The following GLI2 variants were observed in gnomAD, a reference collection of about 807,000 sequenced individuals.
The protein encoded by GLI2 is GLI family zinc finger 2, also known as transcription activator GLI2.
A neutral mutation model predicts 78.9 loss-of-function variants in GLI2; 22 were observed. The ratio of observed to expected loss-of-function variants is 0.28; its 90% CI spans 0.20 to 0.40. GLI2 has a LOEUF of 0.40. Ranked by LOEUF, GLI2 falls within the 10% of genes least tolerant of loss-of-function variation. The probability of loss-of-function intolerance (pLI) is 1.00; values close to 1 mark genes in which losing one functional copy is unlikely to be tolerated. For synonymous variants in GLI2, 974 were observed against 963.7 expected (o/e 1.01, Z -0.20); for missense variants, 2,097 against 2,213.2 (o/e 0.95, Z 1.05).
intron 3 of GLI2, among the ~76,000 whole-genome samples, chr2:120,938,228 A>G (rs1420857382): frequency 6.6e-6 from 1 of 152,138 alleles, no homozygotes; most frequent in Admixed American, 6.5e-5. Flanking sequence ...GCACAGAAGG[A>G]GTAAACCCAA....
At position 120,840,705 on chromosome 2, in the gene GLI2, G is replaced by A. The variant is rs959050095; in HGVS notation, c.148+43237G>A. On this transcript the variant is annotated intron_variant, in intron 2 of 13. Coordinates refer to ENST00000361492, the MANE Select transcript of GLI2 (RefSeq NM_001374353.1). ...CCTCTGCCCGTTTCCCAGCAGAGGC[G>A]TGAGAAGCCAAGCATCTTGGTGTGT... Among the ~76,000 whole-genome samples, 7 of 152,226 alleles carry A rather than the reference G, an allele frequency of 4.6e-5. No individual in the cohort carries two copies. The East Asian group carries it at 5.8e-4, about 13-fold the overall frequency.
chr2:120,919,673 A>G (rs1349579581), intron 2 of GLI2, among the ~76,000 whole-genome samples: 1 of 152,254 alleles, frequency 6.6e-6, no homozygotes, highest in African/African-American at 2.4e-5. Context: ...CATGGGAGCC[A>G]ATCCCTGGAA....
chr2:120,913,899 C>T (rs997609266), intron 2 of GLI2, among the ~76,000 whole-genome samples: 4 of 152,192 alleles, frequency 2.6e-5, no homozygotes, highest in Non-Finnish European at 5.9e-5. Flanking sequence ...ATGTGGTGGC[C>T]TTACTGTCGT....
At chr2:120,857,374 T>C (rs374523295) in intron 2 of GLI2, among the ~76,000 whole-genome samples, 10 of 34,448 alleles carry the variant, frequency 2.9e-4, no homozygotes, top group African/African-American at 1.5e-3. Context: ...CCCACTCACC[T>C]ACCTACCCAT....
chr2:120,847,749 G>C (rs1322690698), intron 2 of GLI2, among the ~76,000 whole-genome samples: 1 of 150,032 alleles, frequency 6.7e-6, no homozygotes. Flanking sequence ...TTGGCTGCGT[G>C]GGGGGCAGGG....
intron 1 of GLI2, among the ~76,000 whole-genome samples, chr2:120,768,339 C>T (rs1283422278): frequency 6.6e-6 from 1 of 152,194 alleles, no homozygotes; most frequent in Non-Finnish European, 1.5e-5. Flanking sequence ...GGGTTCCTGG[C>T]GAGGCCACTG....
chr2:120,952,412 G>A (rs1340345257), intron 4 of GLI2, among the ~76,000 whole-genome samples: 1 of 152,210 alleles, frequency 6.6e-6, no homozygotes, highest in African/African-American at 2.4e-5. Context: ...CGAGAGGAAT[G>A]CATCCTCTTC....
At chr2:120,876,226 C>T (rs1688733074) in intron 2 of GLI2, among the ~76,000 whole-genome samples, 1 of 152,152 alleles carries the variant, frequency 6.6e-6, no homozygotes, top group Admixed American at 6.5e-5. Flanking sequence ...CCTGTAGTCC[C>T]AGCTACTCGG....
intron 2 of GLI2, among the ~76,000 whole-genome samples, chr2:120,825,541 G>GGAGTGTGCTCCTGGCTGT (rs1356281597): frequency 6.6e-6 from 1 of 151,340 alleles, no homozygotes; most frequent in African/African-American, 2.4e-5. Context: ...CTAGCTGTAA[G>GGAGTGTGCTCCTGGCTGT]GAGTGTGCTC....
rs1573705283 is a variant in GLI2, at chr2:120,971,929, A to G, written c.1060-12A>G. ...CCCTGAGTAACAGACTGTCCTCTGC[A>G]CCCTTCCTCAGAACAAGCAGAGCAG... On this transcript the variant is annotated splice_polypyrimidine_tract_variant and intron_variant, in intron 7 of 13. Coordinates refer to ENST00000361492, the MANE Select transcript of GLI2 (RefSeq NM_001374353.1). 1.2e-6 allele frequency: 2 copies of G among 1,613,258 alleles called. No homozygotes were observed. Among genetic ancestry groups the G allele is most frequent in the South Asian group, 2.2e-5 (2 of 91,086 alleles).
chr2:120,747,843 C>A (rs1387388994), intron 1 of GLI2, among the ~76,000 whole-genome samples: 1 of 152,218 alleles, frequency 6.6e-6, no homozygotes, highest in Non-Finnish European at 1.5e-5. Context: ...ACCTAGTTCT[C>A]ACACCAGGCT....
intron 3 of GLI2, among the ~76,000 whole-genome samples, chr2:120,943,257 C>T (rs1414540192): frequency 1.3e-5 from 2 of 152,114 alleles, no homozygotes; most frequent in East Asian, 3.9e-4. Flanking sequence ...GCTGGCACCT[C>T]TGGGAGGAGA....
chr2:120,755,640 C>A (rs2104638332), intron 1 of GLI2, among the ~76,000 whole-genome samples: 1 of 152,120 alleles, frequency 6.6e-6, no homozygotes, highest in South Asian at 2.1e-4. Context: ...TTTGGAATTT[C>A]ATCTAAGAAA....
At chr2:120,857,530 T>C (rs111926859) in intron 2 of GLI2, among the ~76,000 whole-genome samples, 8 of 73,580 alleles carry the variant, frequency 1.1e-4, no homozygotes, top group African/African-American at 2.0e-4. Flanking sequence ...CCCACCCACC[T>C]ACCTACCCAT....
rs1383493075 is a variant in GLI2, at chr2:120,970,508, C to G, written c.961C>G (p.Pro321Ala). Residue 321 changes from proline to alanine, a missense_variant, in exon 7 of 14, where the codon CCC (proline) becomes GCC (alanine). By Grantham distance (27) the Pro-to-Ala change is conservative. Transcript: ENST00000361492. Reference sequence around the variant, plus strand: ...CACACCACCCCTGATCCAGCCCTCACCCACCTTCCTGGCCCAGCAGCCCAT... The same window carrying G: ...CACACCACCCCTGATCCAGCCCTCAGCCACCTTCCTGGCCCAGCAGCCCAT... ...GHTPPLIQPS[P>A]TFLAQQPMAL... 1.2e-6 allele frequency: 2 copies of G among 1,614,060 alleles called. No individual in the cohort carries two copies. Among genetic ancestry groups the G allele is most frequent in the Admixed American group, 3.3e-5 (2 of 60,022 alleles).
rs545346544 is a variant in GLI2, at chr2:120,812,571, G to A, written c.148+15103G>A. On this transcript the variant is annotated intron_variant, in intron 2 of 13. Transcript: ENST00000361492. ...CTGAGGCCCTTCTTTCCATCACTGG[G>A]GTCATGACTCCCAGAGTGGCCTTCT... Among the ~76,000 whole-genome samples the A allele has an allele frequency of 3.9e-5, 6 of 152,216 alleles. No homozygotes were observed. The South Asian group carries it at 8.3e-4, about 21-fold the overall frequency.
chr2:120,771,250 C>T (rs1683513337), intron 1 of GLI2, among the ~76,000 whole-genome samples: 1 of 152,194 alleles, frequency 6.6e-6, no homozygotes. Context: ...TCGCTCAGCC[C>T]ATTGGCAGGT....
At chr2:120,986,693 AC>A in intron 13 of GLI2, 79 bp downstream of exon 13, 1 of 1,131,446 alleles carries the variant, frequency 8.8e-7, no homozygotes, top group Non-Finnish European at 1.3e-6. Flanking sequence ...CCCACCAAGC[AC>A]CAGTGCTATC....
intron 2 of GLI2, among the ~76,000 whole-genome samples, chr2:120,842,477 G>T (rs1254587883): frequency 6.6e-6 from 1 of 152,124 alleles, no homozygotes; most frequent in Admixed American, 6.5e-5. Context: ...TATTTAACGA[G>T]TCTCCCTCTG....
Sources: allele counts gnomAD v4.1 joint callset (sites outside exome capture counted in the v4.1 genomes callset), GRCh38; gene constraint gnomAD v4.1.1; transcripts MANE v1.5; gene names NCBI Gene and HGNC (gene_info 2026-07-23, HGNC 2026-07-21).